TSNAX: variants seen among roughly 807,000 people sequenced by gnomAD.
TSNAX encodes the protein translin-associated protein X.
TSNAX carries 12 observed loss-of-function variants against 33.0 expected under a neutral mutation model. The observed-to-expected ratio is 0.36, with a 90% CI of 0.23 to 0.59. The LOEUF (loss-of-function observed/expected upper bound fraction) is 0.59, where lower values mean the gene tolerates loss of function less well. TSNAX is among the 20% of genes least tolerant of loss of function. TSNAX has a pLI of 0.74. For missense variants in TSNAX, 267 were observed against 341.3 expected, an observed-to-expected ratio of 0.78 and a Z score of 1.72; for synonymous variants, 110 against 117.2, an observed-to-expected ratio of 0.94 and a Z score of 0.40.
At chr1:231,545,788 T>C (rs369682558) in intron 4 of TSNAX, among the ~76,000 whole-genome samples, 167 of 152,198 alleles carry the variant, frequency 1.1e-3, no homozygotes, top group African/African-American at 3.8e-3. Flanking sequence ...AGTTAAGATA[T>C]GTTTTTAGCC....
chr1:231,529,146 A>C, intron 1 of TSNAX, 109 bp from the exon 2 acceptor site: 2 of 1,092,506 alleles, frequency 1.8e-6, no homozygotes, highest in Non-Finnish European at 2.7e-6. Context: ...CTCTAAGGCG[A>C]GGGCCCTGTG....
At position 231,561,208 on chromosome 1, in the gene TSNAX, A is replaced by G. The variant is rs1252203573; in HGVS notation, c.448A>G (p.Lys150Glu). 6.3e-7 allele frequency: 1 copy of G among 1,586,764 alleles called. No individual in the cohort carries two copies. Among genetic ancestry groups the G allele is most frequent in the African/African-American group, 1.3e-5 (1 of 74,166 alleles). The change falls in exon 5 of 6, where the codon AAA becomes GAA. Residue 150 changes from lysine (K) to glutamate (E), a missense_variant. Coordinates refer to ENST00000366639, the MANE Select transcript of TSNAX (RefSeq NM_005999.3). ...RSLISMDEIN[K>E]QLIFTTEDNG... is the part of the protein sequence containing the mutation. ...ATTAATTAGTATGGATGAAATTAATAAACAATTGATATTTACGACTGAAGA... is the reference window on the plus strand; with the variant it reads ...ATTAATTAGTATGGATGAAATTAATGAACAATTGATATTTACGACTGAAGA...
intron 2 of TSNAX, chr1:231,536,226 A>AT (rs1487840576): frequency 6.6e-6 from 1 of 152,120 alleles, no homozygotes; most frequent in East Asian, 1.9e-4. Context: ...GTGATTGTCT[A>AT]TTTTCAGTCA....
At chr1:231,537,416 T>C (rs1026297032) in intron 3 of TSNAX, 89 bp downstream of exon 3, 3 of 822,000 alleles carry the variant, frequency 3.6e-6, no homozygotes, top group Non-Finnish European at 5.8e-6. Flanking sequence ...ACATCAGCAG[T>C]AGGTACAACT....
intron 2 of TSNAX, among the ~76,000 whole-genome samples, chr1:231,531,092 G>A (rs1401640001): frequency 6.6e-6 from 1 of 151,800 alleles, no homozygotes; most frequent in Non-Finnish European, 1.5e-5. Context: ...CTGAGTAGCT[G>A]GGACTACAGG....
rs1337184662 is a variant in TSNAX at position 231,564,853 on chromosome 1, A to G, written c.821A>G (p.Asp274Gly). 6.2e-7 allele frequency: 1 copy of G among 1,614,080 alleles called. No homozygotes were observed. The highest frequency in any genetic ancestry group is 8.5e-7 in the Non-Finnish European group (1 of 1,180,042). The change falls in exon 6 of 6, where the codon GAT (aspartate) becomes GGT (glycine). Residue 274 changes from aspartate (D) to glycine (G), a missense_variant. Transcript: ENST00000366639. ...GSEIPKHMLA[D>G]VFSVKTEMID... is the part of the protein sequence containing the mutation. ...GAAATTCCAAAACATATGTTGGCAG[A>G]TGTGTTTTCAGTTAAAACAGAAATG...
At chr1:231,543,153 G>T (rs556120154) in intron 4 of TSNAX, among the ~76,000 whole-genome samples, 1 of 151,830 alleles carries the variant, frequency 6.6e-6, no homozygotes, top group African/African-American at 2.4e-5. Context: ...ACTCCAGCCT[G>T]GGCGTCAGCA....
At chr1:231,558,716 A>G (rs559129269) in intron 4 of TSNAX, among the ~76,000 whole-genome samples, 161 of 152,264 alleles carry the variant, frequency 1.1e-3, no homozygotes, top group East Asian at 3.9e-4. Flanking sequence ...TTGGGGGGGA[A>G]CTGGGCGGTG....
intron 1 of TSNAX, 118 bp from the exon 2 acceptor site, chr1:231,529,137 T>C: frequency 2.9e-6 from 3 of 1,030,206 alleles, no homozygotes; most frequent in Non-Finnish European, 4.3e-6. Context: ...GGAGAAAGCC[T>C]CTAAGGCGAG....
chr1:231,540,619 T>G (rs1024110970), intron 3 of TSNAX, among the ~76,000 whole-genome samples: 25 of 152,192 alleles, frequency 1.6e-4, no homozygotes, highest in Admixed American at 1.6e-3. Flanking sequence ...TGTATTCTGT[T>G]ATTGTTAGGT....
Position 231,565,061 on chromosome 1 carries a change from T to C in TSNAX, c.*156T>C, listed in dbSNP as rs555260997. ...ATTGTATACAAGCTGTACATAAAATTAGCCAAATGAATCATTTCTTATATC... is the reference window on the plus strand; with the variant it reads ...ATTGTATACAAGCTGTACATAAAATCAGCCAAATGAATCATTTCTTATATC... On this transcript the variant is annotated 3_prime_UTR_variant, in exon 6 of 6. Coordinates refer to ENST00000366639, the MANE Select transcript of TSNAX (RefSeq NM_005999.3). 121 of 907,836 alleles carry C rather than the reference T, an allele frequency of 1.3e-4. No individual in the cohort carries two copies. The South Asian group carries it at 2.1e-3, about 16-fold the overall frequency. The allele number at this position is 907,836 out of a possible 1,614,324, so 56.2% of individuals were successfully genotyped here. A position where few individuals can be genotyped will look rare whatever the true frequency, so the allele number is the denominator to read the frequency against.
At chr1:231,529,526 T>C (rs1423167305) in intron 2 of TSNAX, among the ~76,000 whole-genome samples, 167 bp downstream of exon 2, 1 of 152,240 alleles carries the variant, frequency 6.6e-6, no homozygotes, top group African/African-American at 2.4e-5. Flanking sequence ...GCCTTCACTT[T>C]TATGTCCCAT....
intron 1 of TSNAX, 106 bp downstream of exon 1, chr1:231,528,932 T>G: frequency 6.9e-7 from 1 of 1,459,412 alleles, no homozygotes; most frequent in Non-Finnish European, 9.6e-7. Context: ...CTTCGTCCCT[T>G]GTAGACTCGG....
chr1:231,556,667 A>G (rs1296850410), intron 4 of TSNAX, among the ~76,000 whole-genome samples: 2 of 152,240 alleles, frequency 1.3e-5, no homozygotes, highest in Admixed American at 6.5e-5. Flanking sequence ...TTCAACTGAC[A>G]TAGTTCTACT....
chr1:231,535,380 A>G (rs1270865144), intron 2 of TSNAX: 2 of 152,044 alleles, frequency 1.3e-5, no homozygotes, highest in Non-Finnish European at 2.9e-5. Context: ...AGTCTTTTAA[A>G]CAATAATACA....
chr1:231,565,796 AT>A lies in TSNAX; in HGVS notation c.*895del, dbSNP rs1661391573. 2 of 152,198 alleles carry A rather than the reference AT, an allele frequency of 1.3e-5. No homozygotes were observed. The highest frequency in any genetic ancestry group is 4.1e-4 in the South Asian group (2 of 4,828). The allele number at this position is 152,198 out of a possible 1,614,324, so 9.4% of individuals were successfully genotyped here. On this transcript the variant is annotated 3_prime_UTR_variant, in exon 6 of 6. Transcript: ENST00000366639. Reference sequence around the variant, plus strand: ...TAGTGAAAAATTCGCATTCTGGCTGATTTTAAGCCATTTAAAATTTATATAA... The same window carrying A: ...TAGTGAAAAATTCGCATTCTGGCTGATTTAAGCCATTTAAAATTTATATAA...
intron 4 of TSNAX, among the ~76,000 whole-genome samples, chr1:231,548,205 C>A (rs1257099339): frequency 6.6e-6 from 1 of 152,148 alleles, no homozygotes; most frequent in Non-Finnish European, 1.5e-5. Flanking sequence ...TTATTTTATT[C>A]TTCTCATAGT....
chr1:231,532,585 TC>T (rs1351633204), intron 2 of TSNAX, among the ~76,000 whole-genome samples: 1 of 152,066 alleles, frequency 6.6e-6, no homozygotes, highest in Non-Finnish European at 1.5e-5. Context: ...AAAAAAAAGG[TC>T]CAAGTTTCTT....
intron 3 of TSNAX, among the ~76,000 whole-genome samples, chr1:231,537,992 T>C (rs1233415111): frequency 1.3e-5 from 2 of 152,234 alleles, no homozygotes; most frequent in African/African-American, 4.8e-5. Flanking sequence ...TTTGAACTCA[T>C]GGCAGTCTGG....
Sources: allele counts gnomAD v4.1 joint callset (sites outside exome capture counted in the v4.1 genomes callset), GRCh38; gene constraint gnomAD v4.1.1; transcripts MANE v1.5; gene names NCBI Gene and HGNC (gene_info 2026-07-23, HGNC 2026-07-21).